DZIP1: variants seen among roughly 807,000 people sequenced by gnomAD.
DZIP1 encodes the protein cilium assembly protein DZIP1.
A neutral mutation model predicts 107.6 loss-of-function variants in DZIP1; 97 were observed. The observed-to-expected ratio is 0.90, with a 90% CI of 0.77 to 1.07. The LOEUF (loss-of-function observed/expected upper bound fraction) is 1.07. Among genes scored for constraint, DZIP1 ranks in the 50% least tolerant of loss-of-function variants. DZIP1 has a pLI of 0.00. For synonymous variants in DZIP1, 390 were observed against 386.4 expected, an observed-to-expected ratio of 1.01 and a Z score of -0.11; for missense variants, 1,035 against 1,063.6, an observed-to-expected ratio of 0.97 and a Z score of 0.37.
chr13:95,589,768 A>C, intron 18 of DZIP1, 35 bp downstream of exon 18: 1 of 1,600,976 alleles, frequency 6.2e-7, no homozygotes, highest in Non-Finnish European at 8.5e-7. Context: ...TAAGACAAAC[A>C]CTGATAAAAT....
intron 5 of DZIP1, among the ~76,000 whole-genome samples, chr13:95,634,433 G>A (rs373769953): frequency 0.058 from 678 of 11,646 alleles, 9 homozygotes; most frequent in Middle Eastern, 0.3. Context: ...CCAGGTTTTA[G>A]AATATAGATT....
chr13:95,611,392 G>T, intron 12 of DZIP1, 53 bp downstream of exon 12: 1 of 1,433,658 alleles, frequency 7.0e-7, no homozygotes, highest in Non-Finnish European at 9.8e-7. Context: ...CTGAAGCCCA[G>T]TGCAATTGGG....
intron 20 of DZIP1, 103 bp downstream of exon 20, chr13:95,587,436 C>G (rs1182851108): frequency 1.3e-6 from 2 of 1,486,936 alleles, no homozygotes; most frequent in East Asian, 2.3e-5. Context: ...GCATCTGTTC[C>G]TTGCACACCC....
intron 5 of DZIP1, among the ~76,000 whole-genome samples, chr13:95,640,252 C>T (rs887604452): frequency 7.2e-5 from 11 of 152,168 alleles, no homozygotes; most frequent in African/African-American, 2.4e-5. Flanking sequence ...CCCGCCTCGG[C>T]CTCCCAAAGT....
At chr13:95,620,130 GGGA>G (rs1875644547) in intron 9 of DZIP1, among the ~76,000 whole-genome samples, 183 bp from the exon 10 acceptor site, 2 of 152,176 alleles carry the variant, frequency 1.3e-5, no homozygotes, top group South Asian at 4.1e-4. Context: ...AGGGCCTGGT[GGGA>G]GATGATTGAA....
At chr13:95,608,902 T>C (rs2044880555) in intron 13 of DZIP1, among the ~76,000 whole-genome samples, 1 of 152,254 alleles carries the variant, frequency 6.6e-6, no homozygotes, top group African/African-American at 2.4e-5. Context: ...CCCTTACTCC[T>C]TCCTGAATGG....
At chr13:95,609,545 A>G (rs1566389053) in intron 12 of DZIP1, 32 bp from the exon 13 acceptor site, 1 of 1,533,518 alleles carries the variant, frequency 6.5e-7, no homozygotes, top group Admixed American at 2.2e-5. Context: ...TGAACAAAAA[A>G]CATCACAAGC....
intron 10 of DZIP1, among the ~76,000 whole-genome samples, chr13:95,614,813 T>C (rs974130085): frequency 1.3e-5 from 2 of 152,158 alleles, no homozygotes; most frequent in African/African-American, 4.8e-5. Flanking sequence ...TGACTGCCTG[T>C]GAACTCCTAC....
intron 20 of DZIP1, among the ~76,000 whole-genome samples, chr13:95,586,927 A>G (rs1011712362): frequency 6.6e-6 from 1 of 152,212 alleles, no homozygotes; most frequent in East Asian, 1.9e-4. Context: ...GTATTAGAAC[A>G]GCCATTCTCA....
chr13:95,599,952 C>A (rs975782313), intron 14 of DZIP1, among the ~76,000 whole-genome samples: 18 of 152,148 alleles, frequency 1.2e-4, no homozygotes, highest in Non-Finnish European at 1.8e-4. Flanking sequence ...TCTTCGACAC[C>A]TGCATGGATG....
chr13:95,610,138 G>C, intron 12 of DZIP1, among the ~76,000 whole-genome samples: 1 of 151,120 alleles, frequency 6.6e-6, no homozygotes, highest in African/African-American at 2.4e-5. Flanking sequence ...GAGAGAGACA[G>C]AGACAGACAG....
chr13:95,624,475 T>G (rs1021041570), intron 8 of DZIP1, among the ~76,000 whole-genome samples: 4 of 152,154 alleles, frequency 2.6e-5, no homozygotes, highest in African/African-American at 9.7e-5. Context: ...GGGAGGAGTT[T>G]ACAGTTCAAG....
rs1046003057 is a variant in DZIP1 at position 95,579,139 on chromosome 13, G to A, written c.*3095C>T. ...AAAATTCAAAAAATTGCAACCTCAG[G>A]CATAAATGGGTTAAGGACATCCCAA... On this transcript the variant is annotated 3_prime_UTR_variant, in exon 23 of 23. Coordinates refer to ENST00000376829, the MANE Select transcript of DZIP1 (RefSeq NM_198968.4). 6.6e-6 allele frequency: 1 copy of A among 152,158 alleles called. No homozygotes were observed. The highest frequency in any genetic ancestry group is 1.5e-5 in the Non-Finnish European group (1 of 68,048). 9.4% of individuals were successfully genotyped at this position (152,158 alleles called of 1,614,324 possible).
At chr13:95,592,495 A>G (rs1309177358) in intron 16 of DZIP1, among the ~76,000 whole-genome samples, 1 of 152,222 alleles carries the variant, frequency 6.6e-6, no homozygotes, top group Non-Finnish European at 1.5e-5. Flanking sequence ...GACTGAGTTG[A>G]TGAAAGATGT....
chr13:95,621,665 AGTGTGTGTGTGTGTGT>A lies in DZIP1; in HGVS notation c.1110+662_1110+677del, dbSNP rs3051402. ...ACAGATCATCAGCTGACCAGTTAGC[AGTGTGTGTGTGTGTGT>A]GTGTGTGTGTGTGTGTGTGTGTGTG... On this transcript the variant is annotated intron_variant, in intron 9 of 22. Coordinates refer to ENST00000376829, the MANE Select transcript of DZIP1 (RefSeq NM_198968.4). Among the ~76,000 whole-genome samples the A allele has an allele frequency of 1.2e-3, 142 of 123,416 alleles. No individual in the cohort carries two copies. In the East Asian group the frequency reaches 0.014, roughly 12 times the overall value. The allele number at this position is 123,416 out of a possible 152,430, so 81.0% of individuals were successfully genotyped here. A position where few individuals can be genotyped will look rare whatever the true frequency, so the allele number is the denominator to read the frequency against.
Position 95,611,429 on chromosome 13 carries a change from G to C in DZIP1, c.1363+16C>G. On this transcript the variant is annotated intron_variant, in intron 12 of 22. Coordinates refer to ENST00000376829, the MANE Select transcript of DZIP1 (RefSeq NM_198968.4). Reference sequence around the variant, plus strand: ...AGGTTCCCCTTGCCGCCAGTACCGGGATCCCATCCACTTACCTTTGGGTTC... The same window carrying C: ...AGGTTCCCCTTGCCGCCAGTACCGGCATCCCATCCACTTACCTTTGGGTTC... 6.2e-7 allele frequency: 1 copy of C among 1,611,552 alleles called. No individual in the cohort carries two copies. The highest frequency in any genetic ancestry group is 1.1e-5 in the South Asian group (1 of 90,960).
At chr13:95,589,077 C>T in intron 19 of DZIP1, 77 bp downstream of exon 19, 1 of 1,160,188 alleles carries the variant, frequency 8.6e-7, no homozygotes, top group Non-Finnish European at 1.3e-6. Context: ...CCATAATGAG[C>T]ACGCTACTTT....
At chr13:95,630,334 T>A (rs1043853030) in intron 6 of DZIP1, among the ~76,000 whole-genome samples, 1 of 152,158 alleles carries the variant, frequency 6.6e-6, no homozygotes, top group African/African-American at 2.4e-5. Context: ...TTTCAGCCGC[T>A]GTGTTGAGGT....
chr13:95,641,208 G>C lies in DZIP1; in HGVS notation c.597+87C>G. ...GATATACAATATAAATCTTTAAGAA[G>C]AAAGAGTGGTGATACGGGACAGGCC... On this transcript the variant is annotated intron_variant, in intron 5 of 22. Transcript: ENST00000376829. This position sits in a 1 kb window ranked among gnomAD's most constrained non-coding sequence, Gnocchi z 4.3. The C allele has an allele frequency of 1.3e-6, 2 of 1,490,428 alleles. No individual in the cohort carries two copies. Among genetic ancestry groups the C allele is most frequent in the South Asian group, 2.7e-5 (2 of 72,756 alleles). 92.3% of individuals were successfully genotyped at this position (1,490,428 alleles called of 1,614,324 possible).
Sources: allele counts gnomAD v4.1 joint callset (sites outside exome capture counted in the v4.1 genomes callset), GRCh38; gene constraint gnomAD v4.1.1; non-coding constraint Gnocchi (gnomAD v3.1); transcripts MANE v1.5; gene names NCBI Gene and HGNC (gene_info 2026-07-23, HGNC 2026-07-21).